The following NEK11 variants were observed in gnomAD, a reference collection of about 807,000 sequenced individuals.
NEK11 encodes the protein serine/threonine-protein kinase Nek11.
NEK11 carries 72 observed loss-of-function variants against 80.7 expected under a neutral mutation model. That is an observed-to-expected ratio of 0.89 (90% CI 0.74 to 1.08). The LOEUF is 1.08. Among genes scored for constraint, NEK11 ranks in the 50% least tolerant of loss-of-function variants. NEK11 has a pLI of 0.00. For synonymous variants in NEK11, 251 were observed against 260.7 expected (o/e 0.96, Z 0.36); for missense variants, 764 against 763.6 (o/e 1.00, Z -0.01).
At chr3:131,251,638 G>A (rs1276330687) in intron 16 of NEK11, among the ~76,000 whole-genome samples, 1 of 151,988 alleles carries the variant, frequency 6.6e-6, no homozygotes, top group East Asian at 1.9e-4. Flanking sequence ...TTATGTCCTG[G>A]CATCTGCTGG....
intron 14 of NEK11, among the ~76,000 whole-genome samples, chr3:131,183,833 G>T (rs1349670969): frequency 6.6e-6 from 1 of 152,068 alleles, no homozygotes; most frequent in Non-Finnish European, 1.5e-5. Context: ...TGGTATTTCT[G>T]GTTCTAGGCC....
intron 5 of NEK11, among the ~76,000 whole-genome samples, chr3:131,131,904 AT>A (rs2084555733): frequency 6.6e-6 from 1 of 151,474 alleles, no homozygotes; most frequent in Non-Finnish European, 1.5e-5. Context: ...GTGTGTTTTC[AT>A]TTTCATTTAG....
intron 15 of NEK11, among the ~76,000 whole-genome samples, chr3:131,229,206 G>A (rs1175540052): frequency 6.6e-6 from 1 of 152,120 alleles, no homozygotes; most frequent in African/African-American, 2.4e-5. Flanking sequence ...TCTTGCTTAA[G>A]TGGTGAAGTC....
At chr3:131,171,626 A>G (rs1465088396) in intron 14 of NEK11, among the ~76,000 whole-genome samples, 1 of 152,188 alleles carries the variant, frequency 6.6e-6, no homozygotes, top group East Asian at 1.9e-4. Context: ...TAAGAATAAT[A>G]ATGCCTTCTT....
At chr3:131,154,209 G>C (rs1352447937) in intron 9 of NEK11, among the ~76,000 whole-genome samples, 1 of 152,014 alleles carries the variant, frequency 6.6e-6, no homozygotes, top group Non-Finnish European at 1.5e-5. Context: ...ACCTGCAGGT[G>C]GTCCTCTGGA....
chr3:131,209,226 G>A (rs929300138), intron 14 of NEK11, among the ~76,000 whole-genome samples: 4 of 152,156 alleles, frequency 2.6e-5, no homozygotes, highest in Non-Finnish European at 5.9e-5. Context: ...ATGCAGAAAA[G>A]AGATAATCAT....
At chr3:131,027,449 C>T (rs1049045928) in intron 1 of NEK11, 4 of 151,750 alleles carry the variant, frequency 2.6e-5, no homozygotes, top group African/African-American at 9.7e-5. Flanking sequence ...CTCCAAGTTC[C>T]CATCTAGCTT....
chr3:131,243,527 A>C (rs1222434017), intron 16 of NEK11, 31 bp downstream of exon 16: 2 of 1,544,504 alleles, frequency 1.3e-6, no homozygotes, highest in Middle Eastern at 1.7e-4. Flanking sequence ...TTCAAAATAC[A>C]TTGACAGCTA....
chr3:131,059,014 A>G (rs989971339), intron 3 of NEK11, among the ~76,000 whole-genome samples: 1 of 152,226 alleles, frequency 6.6e-6, no homozygotes, highest in African/African-American at 2.4e-5. Context: ...TAGTAGTTCT[A>G]TCAGGAGCCT....
At position 131,080,601 on chromosome 3, in the gene NEK11, T is replaced by G. The variant is rs368127367; in HGVS notation, c.336+13T>G. The G allele has an allele frequency of 6.3e-7, 1 of 1,593,862 alleles. No homozygotes were observed. The highest frequency in any genetic ancestry group is 2.2e-5 in the East Asian group (1 of 44,722). On this transcript the variant is annotated intron_variant, in intron 4 of 17. Transcript: ENST00000383366. ...GGAGTACTGTGAGGTGAGACTCTCC[T>G]TTTCTCTTGGAAGTCTTTATAAAAA...
intron 17 of NEK11, among the ~76,000 whole-genome samples, chr3:131,336,286 C>G (rs2097182951): frequency 6.6e-6 from 1 of 152,166 alleles, no homozygotes; most frequent in Non-Finnish European, 1.5e-5. Context: ...ATCAATGGAA[C>G]AGAACAGAGC....
intron 5 of NEK11, among the ~76,000 whole-genome samples, chr3:131,118,304 T>A (rs2081669543): frequency 6.6e-6 from 1 of 152,220 alleles, no homozygotes; most frequent in Non-Finnish European, 1.5e-5. Context: ...TGAACCAGCC[T>A]TGCATCCCAG....
At chr3:131,285,124 A>C (rs2096455045) in intron 17 of NEK11, among the ~76,000 whole-genome samples, 1 of 152,242 alleles carries the variant, frequency 6.6e-6, no homozygotes, top group African/African-American at 2.4e-5. Flanking sequence ...GGACATAAGC[A>C]ACTTCAAACT....
At chr3:131,128,586 T>C (rs893327935) in intron 5 of NEK11, among the ~76,000 whole-genome samples, 23 of 152,372 alleles carry the variant, frequency 1.5e-4, no homozygotes, top group African/African-American at 5.5e-4. Flanking sequence ...CTTTCAAGTT[T>C]TGGCAATTAT....
At chr3:131,251,343 G>T in intron 16 of NEK11, among the ~76,000 whole-genome samples, 1 of 151,896 alleles carries the variant, frequency 6.6e-6, no homozygotes, top group Non-Finnish European at 1.5e-5. Context: ...TCTTAGATTA[G>T]AAGTCAATTT....
At chr3:131,336,340 C>T (rs1424367754) in intron 17 of NEK11, among the ~76,000 whole-genome samples, 1 of 152,186 alleles carries the variant, frequency 6.6e-6, no homozygotes, top group African/African-American at 2.4e-5. Context: ...TGATCTTTGA[C>T]AAACCTGAGA....
chr3:131,336,522 A>T (rs534657870), intron 17 of NEK11, among the ~76,000 whole-genome samples: 35 of 152,344 alleles, frequency 2.3e-4, no homozygotes, highest in African/African-American at 7.5e-4. Flanking sequence ...ACCCTAGAAG[A>T]AAACCTAGGT....
chr3:131,038,578 CA>C (rs1009856401), intron 3 of NEK11, among the ~76,000 whole-genome samples: 1 of 151,720 alleles, frequency 6.6e-6, no homozygotes, highest in Non-Finnish European at 1.5e-5. Context: ...GGCAGGGGGC[CA>C]AAAAAGCCTC....
chr3:131,068,548 T>G (rs1246443632), intron 3 of NEK11, among the ~76,000 whole-genome samples: 1 of 152,134 alleles, frequency 6.6e-6, no homozygotes, highest in Non-Finnish European at 1.5e-5. Flanking sequence ...CCAAGCTTCT[T>G]TTTTTTAGTG....
Sources: allele counts gnomAD v4.1 joint callset (sites outside exome capture counted in the v4.1 genomes callset), GRCh38; gene constraint gnomAD v4.1.1; transcripts MANE v1.5; gene names NCBI Gene and HGNC (gene_info 2026-07-23, HGNC 2026-07-21).